PER1: variants seen among roughly 807,000 people sequenced by gnomAD.
The protein encoded by PER1 is period circadian regulator 1.
PER1 carries 87 observed loss-of-function variants against 125.9 expected under a neutral mutation model. That is an observed-to-expected ratio of 0.69 (90% CI 0.58 to 0.83). The LOEUF (loss-of-function observed/expected upper bound fraction) is 0.83. Among genes scored for constraint, PER1 ranks in the 40% least tolerant of loss-of-function variants. The pLI is 0.00. For missense variants in PER1, 1,775 were observed against 1,722.8 expected (o/e 1.03, Z -0.54); for synonymous variants, 801 against 714.7 (o/e 1.12, Z -1.93).
In PER1 at chr17:8,140,475, G is replaced by A. The variant is rs192602532; in HGVS notation, c.*593C>T. 429 of 200,026 alleles carry A rather than the reference G, an allele frequency of 2.1e-3. No homozygotes were observed. The highest frequency in any genetic ancestry group is 3.3e-3 in the Non-Finnish European group (316 of 96,586). 12.4% of individuals were successfully genotyped at this position (200,026 alleles called of 1,614,324 possible). On this transcript the variant is annotated 3_prime_UTR_variant, in exon 23 of 23. Coordinates refer to ENST00000317276, the MANE Select transcript of PER1 (RefSeq NM_002616.3). ...AACTTCATTCCACAAAGTCCTGGGC[G>A]TTTTTATCTTTTTGTATTAAAAAAG...
chr17:8,146,696 G>A lies in PER1; in HGVS notation c.1805C>T (p.Ala602Val). 1 of 1,613,782 alleles carries A rather than the reference G, an allele frequency of 6.2e-7. No homozygotes were observed. Among genetic ancestry groups the A allele is most frequent in the South Asian group, 1.1e-5 (1 of 91,088 alleles). ...CAAGGCTAGTGGGGCCTGGACGGGA[G>A]CAGAACCCGCCTCCAGCTCTGGGTC... is the stretch of plus-strand genomic sequence containing the variant. ...SPDPELEAGSAPVQAPLALVP... is the reference protein window; with the variant it reads ...SPDPELEAGSVPVQAPLALVP... Residue 602 changes from alanine to valine, a missense_variant, in exon 15 of 23, where the codon GCT (alanine) becomes GTT (valine). Physicochemically the swap from Ala to Val is moderately conservative, Grantham distance 64. Transcript: ENST00000317276.
rs1028977617 is a variant in PER1 at position 8,150,108 on chromosome 17, C to T, written c.392G>A (p.Arg131Gln). The T allele has an allele frequency of 1.2e-6, 2 of 1,613,976 alleles. No individual in the cohort carries two copies. Among genetic ancestry groups the T allele is most frequent in the Non-Finnish European group, 1.7e-6 (2 of 1,179,970 alleles). Residue 131 changes from arginine to glutamine, a missense_variant, in exon 4 of 23, where the codon CGG (arginine) becomes CAG (glutamine). Physicochemically the swap from Arg to Gln is conservative, Grantham distance 43. Transcript: ENST00000317276. ...CATGAGTTCCTTCTGAGTCCTTGCC[C>T]GGGCTGACTGTTCACTGCTGCGGGG... The part of the protein sequence containing the change: ...TSGCSSEQSA[R>Q]ARTQKELMTA...
At chr17:8,148,541 C>CA in intron 8 of PER1, 103 bp downstream of exon 8, 1 of 1,386,394 alleles carries the variant, frequency 7.2e-7, no homozygotes, top group Non-Finnish European at 9.8e-7. Flanking sequence ...TTTCTTGTTC[C>CA]AAAATTCAAA....
In PER1 at chr17:8,142,432, T is replaced by C. The variant is rs1251738139; in HGVS notation, c.3286A>G (p.Lys1096Glu). The C allele has an allele frequency of 6.3e-7, 1 of 1,593,732 alleles. No homozygotes were observed. Residue 1096 changes from lysine (K) to glutamate (E), a missense_variant, in exon 21 of 23, where the codon AAA (lysine) becomes GAA (glutamate). Physicochemically the swap from Lys to Glu is moderately conservative, Grantham distance 56 (BLOSUM62 1). Transcript: ENST00000317276. ...TRSSQSSHTS[K>E]YFGSIDSSEA... is the part of the protein sequence containing the mutation. The stretch of plus-strand genomic sequence containing the variant: ...GAAGAGTCGATGCTGCCAAAGTATT[T>C]GCTTGTGTGGCTGCTCTGGCTGCTG...
chr17:8,143,725 T>C lies in PER1; in HGVS notation c.2613A>G (p.Pro871=). The part of the protein sequence containing the change: ...PVPPSTPWPT[P]PATTPFPAVV... ...CCGCTGGGAAGGGGGTAGTGGCTGG[T>C]GGGGTGGGCCAGGGGGTGGAGGGTG... is the stretch of plus-strand genomic sequence containing the variant. The change falls in exon 19 of 23, where the codon CCA becomes CCG. Residue 871 remains proline (P), a synonymous_variant. Transcript: ENST00000317276. The C allele has an allele frequency of 1.3e-6, 1 of 794,720 alleles. No homozygotes were observed. The highest frequency in any genetic ancestry group is 1.3e-4 in the East Asian group (1 of 7,414). The allele number at this position is 794,720 out of a possible 1,614,324, so 49.2% of individuals were successfully genotyped here.
At position 8,141,939 on chromosome 17, in the gene PER1, G is replaced by A. The variant is rs910198907; in HGVS notation, c.3466C>T (p.Leu1156=). The change falls in exon 22 of 23, where the codon CTG becomes TTG. Residue 1156 remains leucine, a synonymous_variant. Transcript: ENST00000317276. ...CGGAGCCGCTCCCGATCCTGCTTCA[G>A]CACAGAGGTCATGTCCCTGCCCAAG... ...QVPSRDMTSV[L]KQDRERLRAM... 8.1e-6 allele frequency: 13 copies of A among 1,613,982 alleles called. No homozygotes were observed. Among genetic ancestry groups the A allele is most frequent in the Non-Finnish European group, 1.1e-5 (13 of 1,180,028 alleles).
In PER1 at chr17:8,145,846, G is replaced by T; in HGVS notation, c.2218+112C>A. On this transcript the variant is annotated intron_variant, in intron 17 of 22. Transcript: ENST00000317276. The stretch of plus-strand genomic sequence containing the variant: ...GCAGTAGCCCCAAGCCCCAGGTCAA[G>T]GGAGGCCTCCTTCTCTCCATCAGGC... The T allele has an allele frequency of 8.0e-6, 10 of 1,253,752 alleles. 1 individual carries two copies. The highest frequency in any genetic ancestry group is 1.1e-5 in the Non-Finnish European group (10 of 904,850). 77.7% of individuals were successfully genotyped at this position (1,253,752 alleles called of 1,614,324 possible).
chr17:8,150,668 G>A lies in PER1; in HGVS notation c.39C>T (p.Asp13=), dbSNP rs982011841. 1 of 1,594,194 alleles carries A rather than the reference G, an allele frequency of 6.3e-7. No homozygotes were observed. Among genetic ancestry groups the A allele is most frequent in the Non-Finnish European group, 8.5e-7 (1 of 1,171,632 alleles). ...GACAAAATGATTCCCCAGGCCTGGG[G>A]TCCCCTCCCCCATCAGCCCCTTCTA... The part of the protein sequence containing the change: ...GPLEGADGGG[D]PRPGESFCPG... The change falls in exon 2 of 23, where the codon GAC becomes GAT. Residue 13 remains aspartate, a synonymous_variant. Coordinates refer to ENST00000317276, the MANE Select transcript of PER1 (RefSeq NM_002616.3).
intron 17 of PER1, chr17:8,145,306 T>A: frequency 8.0e-6 from 2 of 250,904 alleles, no homozygotes; most frequent in African/African-American, 2.3e-5. Flanking sequence ...TGGCCTTCCC[T>A]CACACATTTT....
chr17:8,145,027 A>G (rs757845644), intron 17 of PER1, 34 bp from the exon 18 acceptor site: 39 of 1,446,182 alleles, frequency 2.7e-5, no homozygotes, highest in Non-Finnish European at 3.6e-5. Flanking sequence ...GGTCATCAGA[A>G]CCACTTCAGG....
rs1982037022 is a variant in PER1 at position 8,140,879 on chromosome 17, C to G, written c.*189G>C. 1.6e-6 allele frequency: 1 copy of G among 626,390 alleles called. No individual in the cohort carries two copies. Among genetic ancestry groups the G allele is most frequent in the African/African-American group, 1.8e-5 (1 of 54,536 alleles). 38.8% of individuals were successfully genotyped at this position (626,390 alleles called of 1,614,324 possible). On this transcript the variant is annotated 3_prime_UTR_variant, in exon 23 of 23. Transcript: ENST00000317276. ...CTCTGGGCTGGGCTGCGGAGTTCTG[C>G]TCTCTGCTCCCTAAGAGGCCAGAGG... is the stretch of plus-strand genomic sequence containing the variant.
In PER1 at chr17:8,146,116, G is replaced by A; in HGVS notation, c.2060C>T (p.Ser687Phe). ...CTTCCGTGGGGTGGCCCCCTCCCCAGACAGCGCTGCTGACGGCGGATCTGT... is the reference window on the plus strand; with the variant it reads ...CTTCCGTGGGGTGGCCCCCTCCCCAAACAGCGCTGCTGACGGCGGATCTGT... ...TKKDPPSAALSGEGATPRKEP... is the reference protein window; with the variant it reads ...TKKDPPSAALFGEGATPRKEP... Residue 687 changes from serine (S) to phenylalanine (F), a missense_variant, in exon 17 of 23, where the codon TCT becomes TTT. Physicochemically the swap from Ser to Phe is radical, Grantham distance 155 (BLOSUM62 -2). Transcript: ENST00000317276. 1 of 1,608,912 alleles carries A rather than the reference G, an allele frequency of 6.2e-7. No homozygotes were observed. The highest frequency in any genetic ancestry group is 8.5e-7 in the Non-Finnish European group (1 of 1,177,508).
intron 8 of PER1, 72 bp downstream of exon 8, chr17:8,148,572 A>G: frequency 6.6e-7 from 1 of 1,512,154 alleles, no homozygotes; most frequent in Non-Finnish European, 8.9e-7. Flanking sequence ...CATGCCTCCC[A>G]AATTCATGTC....
At chr17:8,150,168 C>T (rs375111993) in intron 3 of PER1, 43 bp from the exon 4 acceptor site, 2 of 1,606,644 alleles carry the variant, frequency 1.2e-6, no homozygotes, top group African/African-American at 1.3e-5. Flanking sequence ...ACATTAGTCC[C>T]AGAGTGTGGC....
rs763476231 is a variant in PER1, at chr17:8,145,991, C to T, written c.2185G>A (p.Val729Ile). The change falls in exon 17 of 23, where the codon GTC becomes ATC. Residue 729 changes from valine to isoleucine, a missense_variant. By Grantham distance (29) the Val-to-Ile change is conservative. Coordinates refer to ENST00000317276, the MANE Select transcript of PER1 (RefSeq NM_002616.3). ...TSQCSFSSTI[V>I]HVGDKKPPES... Reference sequence around the variant, plus strand: ...GGGGGCTTCTTGTCTCCCACATGGACGATGGTGGAGCTGAAGCTACACTGA... The same window carrying T: ...GGGGGCTTCTTGTCTCCCACATGGATGATGGTGGAGCTGAAGCTACACTGA... 5.6e-6 allele frequency: 9 copies of T among 1,612,054 alleles called. No homozygotes were observed. The highest frequency in any genetic ancestry group is 6.8e-6 in the Non-Finnish European group (8 of 1,178,940).
At chr17:8,148,493 C>A in intron 8 of PER1, 151 bp downstream of exon 8, 1 of 1,039,350 alleles carries the variant, frequency 9.6e-7, no homozygotes, top group Non-Finnish European at 1.4e-6. Flanking sequence ...TCAACTCTAC[C>A]TCTAAGAGGA....
At position 8,143,671 on chromosome 17, in the gene PER1, G is replaced by C. The variant is rs1343791414; in HGVS notation, c.2667C>G (p.Phe889Leu). Residue 889 changes from phenylalanine (F) to leucine (L), a missense_variant, in exon 19 of 23, where the codon TTC (phenylalanine) becomes TTG (leucine). Physicochemically the swap from Phe to Leu is conservative, Grantham distance 22. Transcript: ENST00000317276. Reference protein sequence around the residue: ...AVVQPYPLPVFSPRGGPQPLP... With the variant: ...AVVQPYPLPVLSPRGGPQPLP... ...GAGGCTGGGGGCCTCCTCGAGGAGA[G>C]AACACTGGGAGAGGGTAGGGCTGGA... 5 of 1,348,518 alleles carry C rather than the reference G, an allele frequency of 3.7e-6. No homozygotes were observed. The highest frequency in any genetic ancestry group is 4.8e-6 in the Non-Finnish European group (5 of 1,032,258). 83.5% of individuals were successfully genotyped at this position (1,348,518 alleles called of 1,614,324 possible).
rs112474322 is a variant in PER1, at chr17:8,143,346, C to G, written c.2992G>C (p.Ala998Pro). Residue 998 changes from alanine to proline, a missense_variant, in exon 19 of 23, where the codon GCT becomes CCT. Transcript: ENST00000317276. ...QLEELPRAEGAAVAGGPGSSA... is the reference protein window; with the variant it reads ...QLEELPRAEGPAVAGGPGSSA... Reference sequence around the variant, plus strand: ...CTCCCAGGGCCTCCTGCAACAGCAGCCCCCTCAGCACGGGGGAGCTCCTCC... The same window carrying G: ...CTCCCAGGGCCTCCTGCAACAGCAGGCCCCTCAGCACGGGGGAGCTCCTCC... 3.7e-6 allele frequency: 6 copies of G among 1,610,450 alleles called. No individual in the cohort carries two copies. Among genetic ancestry groups the G allele is most frequent in the Non-Finnish European group, 5.1e-6 (6 of 1,178,282 alleles).
At chr17:8,146,257 A>C in intron 16 of PER1, 115 bp downstream of exon 16, 1 of 1,520,074 alleles carries the variant, frequency 6.6e-7, no homozygotes. Context: ...TCTGGAGACC[A>C]GGAGGCTGGG....
Sources: allele counts gnomAD v4.1 joint callset, GRCh38; gene constraint gnomAD v4.1.1; transcripts MANE v1.5; gene names NCBI Gene and HGNC (gene_info 2026-07-23, HGNC 2026-07-21).